The following LRBA variants were observed in gnomAD, a reference collection of about 807,000 sequenced individuals.
LRBA encodes the protein LPS responsive beige-like anchor protein.
In LRBA, 176 loss-of-function variants were observed where a neutral mutation model predicts 330.0. That is an observed-to-expected ratio of 0.53 (90% CI 0.47 to 0.60). LRBA has a LOEUF of 0.60. Ranked by LOEUF, LRBA falls within the 20% of genes least tolerant of loss-of-function variation. The pLI is 0.00. For missense variants in LRBA, 3,259 were observed against 3,444.8 expected, an observed-to-expected ratio of 0.95 and a Z score of 1.35; for synonymous variants, 1,230 against 1,193.0, an observed-to-expected ratio of 1.03 and a Z score of -0.64.
chr4:150,641,030 C>T (rs1778626815), intron 37 of LRBA, among the ~76,000 whole-genome samples: 1 of 152,096 alleles, frequency 6.6e-6, no homozygotes, highest in Admixed American at 6.6e-5. Flanking sequence ...ATCACCTACT[C>T]CCTATTCTAC....
At chr4:150,791,799 C>G (rs1215366667) in intron 34 of LRBA, among the ~76,000 whole-genome samples, 2 of 152,126 alleles carry the variant, frequency 1.3e-5, no homozygotes, top group East Asian at 3.9e-4. Flanking sequence ...GAGGCCGAGG[C>G]AGGTGGATCA....
intron 38 of LRBA, among the ~76,000 whole-genome samples, chr4:150,596,790 T>C (rs572450685): frequency 3.4e-4 from 52 of 151,776 alleles, no homozygotes; most frequent in Non-Finnish European, 6.2e-4. Context: ...TTACAGAATA[T>C]ATTAGCATAA....
At chr4:150,316,148 C>T (rs1023944581) in intron 50 of LRBA, among the ~76,000 whole-genome samples, 13 of 151,904 alleles carry the variant, frequency 8.6e-5, no homozygotes, top group African/African-American at 2.4e-4. Context: ...GAAAGCTATC[C>T]GCAGATAAAT....
At chr4:150,793,561 T>C (rs1740308003) in intron 34 of LRBA, among the ~76,000 whole-genome samples, 1 of 152,166 alleles carries the variant, frequency 6.6e-6, no homozygotes, top group African/African-American at 2.4e-5. Flanking sequence ...TACATAAACA[T>C]TTATATGGTT....
Position 150,325,316 on chromosome 4 carries a change from A to G in LRBA, c.7452+493T>C, listed in dbSNP as rs183328624. Among the ~76,000 whole-genome samples the G allele has an allele frequency of 5.1e-4, 78 of 152,248 alleles. 2 individuals are homozygous for G. Among genetic ancestry groups the G allele is most frequent in the Middle Eastern group, 6.8e-3 (2 of 294 alleles). ...CAATACATGATTGTTTTAAGCCACT[A>G]AGTTTTGGGTGGTTTGTTATACCAA... On this transcript the variant is annotated intron_variant, in intron 49 of 56. Coordinates refer to ENST00000651943, the MANE Select transcript of LRBA (RefSeq NM_001364905.1).
chr4:150,339,318 T>G (rs1223046285), intron 48 of LRBA, among the ~76,000 whole-genome samples: 1 of 152,124 alleles, frequency 6.6e-6, no homozygotes, highest in East Asian at 1.9e-4. Flanking sequence ...TACACGAAGA[T>G]CATTATAGAC....
chr4:150,910,693 TTTA>T (rs1731889028), intron 9 of LRBA, among the ~76,000 whole-genome samples: 1 of 152,188 alleles, frequency 6.6e-6, no homozygotes, highest in Non-Finnish European at 1.5e-5. Context: ...TGTGCTTCTA[TTTA>T]TGCAAAAAAT....
intron 31 of LRBA, among the ~76,000 whole-genome samples, chr4:150,808,963 G>A (rs1743204173): frequency 6.6e-6 from 1 of 152,080 alleles, no homozygotes; most frequent in Admixed American, 6.6e-5. Context: ...GCTTTAAAGA[G>A]AATAAGGGCC....
chr4:150,422,792 C>G lies in LRBA; in HGVS notation c.7042-7202G>C. The G allele has an allele frequency of 4.1e-6, 6 of 1,460,720 alleles. No homozygotes were observed. The South Asian group carries it at 6.9e-5, about 17-fold the overall frequency. 90.5% of individuals were successfully genotyped at this position (1,460,720 alleles called of 1,614,324 possible). A position where few individuals can be genotyped will look rare whatever the true frequency, so the allele number is the denominator to read the frequency against. On this transcript the variant is annotated intron_variant, in intron 46 of 56. Transcript: ENST00000651943. ...CTGGGCACTGTTCTTTCTGGTAGAC[C>G]TGCATGTGCTGCGGTTTGCCCTGGA...
chr4:150,693,855 T>C (rs1784374388), intron 36 of LRBA, among the ~76,000 whole-genome samples: 1 of 152,174 alleles, frequency 6.6e-6, no homozygotes, highest in African/African-American at 2.4e-5. Context: ...AGCAAATTTT[T>C]ATTAAGTTTG....
At chr4:150,488,553 G>A (rs1369163448) in intron 41 of LRBA, among the ~76,000 whole-genome samples, 1 of 151,416 alleles carries the variant, frequency 6.6e-6, no homozygotes, top group Non-Finnish European at 1.5e-5. Flanking sequence ...AGCAATAAAT[G>A]TTAATTTATG....
chr4:150,558,731 A>T (rs1767658354), intron 40 of LRBA, among the ~76,000 whole-genome samples: 1 of 152,224 alleles, frequency 6.6e-6, no homozygotes, highest in African/African-American at 2.4e-5. Flanking sequence ...TAATAAATGT[A>T]TGCATATATA....
At chr4:150,272,649 C>A (rs567511384) in intron 56 of LRBA, among the ~76,000 whole-genome samples, 2 of 151,420 alleles carry the variant, frequency 1.3e-5, no homozygotes, top group African/African-American at 4.9e-5. Context: ...AAACACAGCA[C>A]GAGAACTTCA....
intron 50 of LRBA, among the ~76,000 whole-genome samples, chr4:150,318,068 G>A (rs972371685): frequency 1.3e-5 from 2 of 152,108 alleles, no homozygotes; most frequent in Non-Finnish European, 2.9e-5. Context: ...CAGGGAGCTC[G>A]CCTTATTCTG....
At chr4:150,976,015 A>G (rs1042756797) in intron 2 of LRBA, among the ~76,000 whole-genome samples, 4 of 151,960 alleles carry the variant, frequency 2.6e-5, no homozygotes, top group African/African-American at 9.7e-5. Flanking sequence ...TTAAAAAAAT[A>G]AAATAAAAAC....
intron 40 of LRBA, among the ~76,000 whole-genome samples, chr4:150,535,286 A>G (rs879912023): frequency 5.3e-5 from 8 of 152,050 alleles, no homozygotes; most frequent in Non-Finnish European, 8.8e-5. Flanking sequence ...GGCCCATGCC[A>G]CTATGCTTGG....
At chr4:150,415,951 G>A (rs536911738) in intron 46 of LRBA, among the ~76,000 whole-genome samples, 19 of 152,218 alleles carry the variant, frequency 1.2e-4, no homozygotes, top group African/African-American at 4.3e-4. Flanking sequence ...TTTTTATGAG[G>A]TATATTGAAT....
chr4:150,643,554 A>T (rs1433465315), intron 37 of LRBA, among the ~76,000 whole-genome samples: 2 of 152,076 alleles, frequency 1.3e-5, no homozygotes, highest in Non-Finnish European at 2.9e-5. Context: ...ACATGTGCAG[A>T]AGTTCTAATA....
intron 4 of LRBA, among the ~76,000 whole-genome samples, chr4:150,923,145 G>C (rs1453800598): frequency 7.0e-6 from 1 of 142,194 alleles, no homozygotes; most frequent in Non-Finnish European, 1.5e-5. Context: ...AAGTGAAGGA[G>C]TATACTGAAT....
Sources: allele counts gnomAD v4.1 joint callset (sites outside exome capture counted in the v4.1 genomes callset), GRCh38; gene constraint gnomAD v4.1.1; transcripts MANE v1.5; gene names NCBI Gene and HGNC (gene_info 2026-07-23, HGNC 2026-07-21).